CHLSN: variants seen among roughly 807,000 people sequenced by gnomAD.
CHLSN encodes cholesin.
chr7:1,060,802 T>G, the CHLSN span, among the ~76,000 whole-genome samples: 3 of 152,210 alleles, frequency 2.0e-5, no homozygotes, highest in South Asian at 6.2e-4. Context: ...GAGCCGGAGC[T>G]GGTGTAAGGG....
the CHLSN span, among the ~76,000 whole-genome samples, chr7:1,017,097 T>A: frequency 1.3e-5 from 2 of 152,176 alleles, no homozygotes; most frequent in Admixed American, 6.5e-5. Context: ...CCCGGACCAC[T>A]CGGAAGCCTT....
chr7:1,021,085 A>G, the CHLSN span, among the ~76,000 whole-genome samples: 1 of 150,738 alleles, frequency 6.6e-6, no homozygotes, highest in Admixed American at 6.6e-5. Flanking sequence ...AGGCACCTCC[A>G]GGCTGGGGAC....
chr7:1,136,465 C>CATATATAAACAT, the CHLSN span, among the ~76,000 whole-genome samples: 3 of 67,790 alleles, frequency 4.4e-5, no homozygotes, highest in African/African-American at 2.3e-4. Context: ...CATATATAAA[C>CATATATAAACAT]ATATATAAAT....
At chr7:1,047,584 T>C in the CHLSN span, among the ~76,000 whole-genome samples, 7 of 152,210 alleles carry the variant, frequency 4.6e-5, no homozygotes, top group Non-Finnish European at 7.3e-5. Context: ...CAAAAGAAAA[T>C]AAACATTCCA....
At chr7:1,067,227 A>G in the CHLSN span, among the ~76,000 whole-genome samples, 13,666 of 83,844 alleles carry the variant, frequency 0.16, 786 homozygotes, top group Middle Eastern at 0.32. Context: ...GCACCCCAGA[A>G]GTGAGGGTTT....
chr7:1,068,110 G>T, the CHLSN span, among the ~76,000 whole-genome samples: 2 of 152,178 alleles, frequency 1.3e-5, no homozygotes, highest in Non-Finnish European at 2.9e-5. Context: ...GAGCTCAGGG[G>T]TCCCTGCAGT....
At chr7:1,077,571 C>T in the CHLSN span, among the ~76,000 whole-genome samples, 2 of 152,268 alleles carry the variant, frequency 1.3e-5, no homozygotes, top group African/African-American at 4.8e-5. Flanking sequence ...GCTTTCTGAA[C>T]GTGCAAGCCC....
the CHLSN span, among the ~76,000 whole-genome samples, chr7:1,071,706 C>T: frequency 2.6e-5 from 4 of 152,316 alleles, no homozygotes; most frequent in East Asian, 7.7e-4. Context: ...GACGCATTGC[C>T]AGGGAAGTCC....
the CHLSN span, among the ~76,000 whole-genome samples, chr7:1,094,611 C>T: frequency 1.3e-5 from 2 of 152,106 alleles, no homozygotes; most frequent in Non-Finnish European, 2.9e-5. Flanking sequence ...CATAACACAA[C>T]CACAGTGAGT....
chr7:998,050 T>G, the CHLSN span, among the ~76,000 whole-genome samples: 6 of 152,200 alleles, frequency 3.9e-5, no homozygotes, highest in African/African-American at 1.4e-4. Context: ...GGAGAACATT[T>G]CACAAACATC....
chr7:1,102,541 C>T, the CHLSN span, among the ~76,000 whole-genome samples: 1 of 152,150 alleles, frequency 6.6e-6, no homozygotes, highest in South Asian at 2.1e-4. Context: ...AGGAGTGTTT[C>T]AAACCATGCC....
the CHLSN span, among the ~76,000 whole-genome samples, chr7:992,686 G>C: frequency 6.6e-6 from 1 of 152,232 alleles, no homozygotes; most frequent in South Asian, 2.1e-4. Context: ...CTGGGACCTG[G>C]GCCCTCCCCG....
chr7:1,047,975 C>A, the CHLSN span, among the ~76,000 whole-genome samples: 1 of 152,160 alleles, frequency 6.6e-6, no homozygotes. Context: ...ATAAAAACTT[C>A]CCCTGCCTGC....
chr7:1,020,146 T>C, the CHLSN span, among the ~76,000 whole-genome samples: 7,002 of 143,324 alleles, frequency 0.049, 542 homozygotes, highest in African/African-American at 0.18. Context: ...AGTGCATGGA[T>C]GCGGCAGGCC....
the CHLSN span, among the ~76,000 whole-genome samples, chr7:1,097,223 G>T: frequency 1.3e-5 from 2 of 152,168 alleles, no homozygotes; most frequent in Non-Finnish European, 2.9e-5. The surrounding 1 kb of genome is among the most constrained non-coding windows in gnomAD (Gnocchi z 4.3). Flanking sequence ...CCCGAACACT[G>T]CCACCCTCCA....
chr7:1,010,225 C>T, the CHLSN span: 3 of 1,326,694 alleles, frequency 2.3e-6, no homozygotes, highest in South Asian at 1.4e-5. Context: ...CCCGAGCCCA[C>T]CCTCACCTCA....
chr7:1,070,952 C>G, the CHLSN span, among the ~76,000 whole-genome samples: 2,932 of 119,390 alleles, frequency 0.025, 99 homozygotes, highest in African/African-American at 0.074. Context: ...CACACACACA[C>G]AGCACAGACA....
the CHLSN span, chr7:986,653 C>T: frequency 1.2e-6 from 2 of 1,612,724 alleles, no homozygotes; most frequent in Admixed American, 1.7e-5. Context: ...GGCTCGGGGC[C>T]CTGCTCCAGC....
the CHLSN span, among the ~76,000 whole-genome samples, chr7:1,041,878 AT>A: frequency 6.6e-6 from 1 of 151,270 alleles, no homozygotes. Context: ...GCAGCCCCGG[AT>A]CCCTGGGTGG....
Sources: allele counts gnomAD v4.1 joint callset (sites outside exome capture counted in the v4.1 genomes callset), GRCh38; gene constraint gnomAD v4.1.1; non-coding constraint Gnocchi (gnomAD v3.1); transcripts MANE v1.5; gene names NCBI Gene and HGNC (gene_info 2026-07-23, HGNC 2026-07-21).